Variants in HPSE2 observed in about 807,000 individuals in gnomAD.
HPSE2 encodes the protein inactive heparanase-2.
In HPSE2, 38 loss-of-function variants were observed where a neutral mutation model predicts 60.5. The observed-to-expected ratio is 0.63, with a 90% CI of 0.48 to 0.82. HPSE2 has a LOEUF of 0.82. Ranked by LOEUF, HPSE2 falls within the 40% of genes least tolerant of loss-of-function variation. HPSE2 has a pLI of 0.00. For synonymous variants in HPSE2, 295 were observed against 293.2 expected, an observed-to-expected ratio of 1.01 and a Z score of -0.06; for missense variants, 713 against 740.4, an observed-to-expected ratio of 0.96 and a Z score of 0.43.
chr10:98,970,895 A>G (rs546600293), intron 3 of HPSE2, among the ~76,000 whole-genome samples: 81 of 152,280 alleles, frequency 5.3e-4, no homozygotes, highest in Admixed American at 1.6e-3. Context: ...TGCCTGTTAA[A>G]TTTTAAAAAG....
At position 98,457,619 on chromosome 10, in the gene HPSE2, A is replaced by C. The variant is rs1050447634; in HGVS notation, c.*1955T>G. 4 of 152,074 alleles carry C rather than the reference A, an allele frequency of 2.6e-5. No homozygotes were observed. Among genetic ancestry groups the C allele is most frequent in the Non-Finnish European group, 5.9e-5 (4 of 68,072 alleles). 9.4% of individuals were successfully genotyped at this position (152,074 alleles called of 1,614,324 possible). A position where few individuals can be genotyped will look rare whatever the true frequency, so the allele number is the denominator to read the frequency against. Reference sequence around the variant, plus strand: ...CACATTTTTAACAGTTGGGGGAACGACCTTTTAGTCTCATTTCTCTTTTCC... The same window carrying C: ...CACATTTTTAACAGTTGGGGGAACGCCCTTTTAGTCTCATTTCTCTTTTCC... On this transcript the variant is annotated 3_prime_UTR_variant, in exon 12 of 12. Transcript: ENST00000370552.
chr10:98,532,142 C>T (rs1943149427), intron 9 of HPSE2, among the ~76,000 whole-genome samples: 1 of 152,100 alleles, frequency 6.6e-6, no homozygotes, highest in East Asian at 1.9e-4. Flanking sequence ...ATGACAGACC[C>T]CTAATCTATC....
intron 10 of HPSE2, among the ~76,000 whole-genome samples, chr10:98,484,326 C>T (rs1386750323): frequency 6.6e-6 from 1 of 152,196 alleles, no homozygotes; most frequent in Non-Finnish European, 1.5e-5. Flanking sequence ...CAACCTCCGC[C>T]TCCTGCGTTC....
At chr10:98,572,403 C>A (rs1443230049) in intron 9 of HPSE2, among the ~76,000 whole-genome samples, 1 of 152,128 alleles carries the variant, frequency 6.6e-6, no homozygotes, top group Non-Finnish European at 1.5e-5. Context: ...TTTCTGTGAA[C>A]ATATAACCAT....
chr10:99,112,892 T>C (rs1309282794), intron 3 of HPSE2, among the ~76,000 whole-genome samples: 3 of 152,140 alleles, frequency 2.0e-5, no homozygotes, highest in Admixed American at 2.0e-4. Flanking sequence ...GTATGTTCAA[T>C]TGCCCACACC....
intron 10 of HPSE2, among the ~76,000 whole-genome samples, chr10:98,483,122 A>T (rs908746160): frequency 2.0e-5 from 3 of 152,238 alleles, no homozygotes; most frequent in Non-Finnish European, 4.4e-5. Context: ...AAGAAGAAAA[A>T]GAAAATTCCC....
At chr10:99,196,287 A>T (rs1380488140) in intron 2 of HPSE2, among the ~76,000 whole-genome samples, 1 of 152,158 alleles carries the variant, frequency 6.6e-6, no homozygotes, top group Non-Finnish European at 1.5e-5. Context: ...TCTCTAGGAC[A>T]TTGGTCTGGG....
At chr10:98,793,328 A>T (rs1950700092) in intron 3 of HPSE2, among the ~76,000 whole-genome samples, 1 of 152,238 alleles carries the variant, frequency 6.6e-6, no homozygotes, top group Non-Finnish European at 1.5e-5. Context: ...GCACTTTGCT[A>T]TCATAAAATC....
At chr10:98,672,369 G>A (rs1037901807) in intron 6 of HPSE2, among the ~76,000 whole-genome samples, 3 of 152,148 alleles carry the variant, frequency 2.0e-5, no homozygotes, top group Admixed American at 6.5e-5. Flanking sequence ...AGACAATAAC[G>A]AAATTACATC....
intron 3 of HPSE2, among the ~76,000 whole-genome samples, chr10:99,052,729 T>C (rs921084337): frequency 5.9e-5 from 9 of 152,034 alleles, no homozygotes; most frequent in African/African-American, 2.2e-4. Context: ...CTCCTCACTG[T>C]AAAGAAGAAA....
chr10:98,936,565 G>A (rs1954797208), intron 3 of HPSE2, among the ~76,000 whole-genome samples: 1 of 143,532 alleles, frequency 7.0e-6, no homozygotes, highest in Non-Finnish European at 1.5e-5. Flanking sequence ...GCACTTCCCA[G>A]GTGAAGTGAC....
At chr10:98,799,478 GAATATAC>G (rs1441536961) in intron 3 of HPSE2, among the ~76,000 whole-genome samples, 3 of 152,104 alleles carry the variant, frequency 2.0e-5, no homozygotes, top group Non-Finnish European at 4.4e-5. Context: ...ACTGGCTGCA[GAATATAC>G]ATAGTTCTGC....
At chr10:98,998,142 T>TTTGAGCTGTGCTGAAATTTGAG in intron 3 of HPSE2, among the ~76,000 whole-genome samples, 1 of 152,296 alleles carries the variant, frequency 6.6e-6, no homozygotes, top group African/African-American at 2.4e-5. Context: ...AAGGTCTTTA[T>TTTGAGCTGTGCTGAAATTTGAG]CTTCATGTCA....
At chr10:98,756,159 G>A (rs111817862) in intron 3 of HPSE2, among the ~76,000 whole-genome samples, 2,698 of 151,944 alleles carry the variant, frequency 0.018, 46 homozygotes, top group Non-Finnish European at 0.027. Context: ...CTAGAATCTC[G>A]GACACAGTTA....
At chr10:98,613,842 A>G (rs928272484) in intron 9 of HPSE2, among the ~76,000 whole-genome samples, 3 of 152,192 alleles carry the variant, frequency 2.0e-5, no homozygotes, top group African/African-American at 7.2e-5. Context: ...ACTTGATGAG[A>G]GCAGTCTGAT....
chr10:98,509,341 A>C (rs12146249), intron 9 of HPSE2, among the ~76,000 whole-genome samples: 138,528 of 151,568 alleles, frequency 0.91, 64,520 homozygotes, highest in East Asian at 1. Context: ...AAACAGAAGA[A>C]GAAAAAAAGA....
chr10:99,061,017 G>T (rs1247394721), intron 3 of HPSE2, among the ~76,000 whole-genome samples: 2 of 151,986 alleles, frequency 1.3e-5, no homozygotes, highest in East Asian at 3.8e-4. Flanking sequence ...ATTTAAAAAA[G>T]TTTAAGCTCA....
intron 3 of HPSE2, among the ~76,000 whole-genome samples, chr10:98,947,583 G>T (rs1253578900): frequency 6.6e-6 from 1 of 152,106 alleles, no homozygotes; most frequent in African/African-American, 2.4e-5. Flanking sequence ...GCAGACAAGT[G>T]CCATATTCTA....
At chr10:99,284,310 A>T in the HPSE2 span, among the ~76,000 whole-genome samples, 5 of 152,074 alleles carry the variant, frequency 3.3e-5, no homozygotes, top group East Asian at 5.8e-4. Context: ...ATAGAGTAAA[A>T]GCATTTGACA....
Sources: gnomAD v4.1 joint callset for allele counts (sites outside exome capture counted in the v4.1 genomes callset) on GRCh38, gnomAD v4.1.1 for gene constraint, MANE v1.5 for transcripts, NCBI Gene and HGNC (gene_info 2026-07-23, HGNC 2026-07-21) for gene names.